The following RERE variants were observed in gnomAD, a reference collection of about 807,000 sequenced individuals.
RERE encodes arginine-glutamic acid dipeptide repeats.
RERE carries 40 observed loss-of-function variants against 146.1 expected under a neutral mutation model. The ratio of observed to expected loss-of-function variants is 0.27; its 90% CI spans 0.21 to 0.36. The LOEUF (loss-of-function observed/expected upper bound fraction) is 0.36, where lower values mean the gene tolerates loss of function less well. Ranked by LOEUF, RERE falls within the 10% of genes least tolerant of loss-of-function variation. The pLI is 1.00. For synonymous variants in RERE, 1,003 were observed against 866.0 expected, an observed-to-expected ratio of 1.16 and a Z score of -2.78; for missense variants, 1,933 against 2,138.7, an observed-to-expected ratio of 0.90 and a Z score of 1.90.
chr1:8,600,736 A>T (rs1011287283), intron 4 of RERE, among the ~76,000 whole-genome samples: 1 of 147,254 alleles, frequency 6.8e-6, no homozygotes, highest in Admixed American at 7.0e-5. Flanking sequence ...AATTACACTG[A>T]AAACAAGCCA....
At position 8,498,762 on chromosome 1, in the gene RERE, CACACACATAT is replaced by C. The variant is rs1389195627; in HGVS notation, c.880-1243_880-1234del. Reference sequence around the variant, plus strand: ...ACACACACACACACACACACACACACACACACATATGTAGTTGAATTGACCTGTGGTAACA... The same window carrying C: ...ACACACACACACACACACACACACACGTAGTTGAATTGACCTGTGGTAACA... On this transcript the variant is annotated intron_variant, in intron 8 of 22. Coordinates refer to ENST00000400908, the MANE Select transcript of RERE (RefSeq NM_001042681.2). Among the ~76,000 whole-genome samples, 7 of 149,560 alleles carry C rather than the reference CACACACATAT, an allele frequency of 4.7e-5. 1 individual carries two copies. The highest frequency in any genetic ancestry group is 1.7e-4 in the African/African-American group (7 of 40,394).
intron 4 of RERE, among the ~76,000 whole-genome samples, chr1:8,608,008 G>A (rs988389131): frequency 2.6e-5 from 4 of 152,116 alleles, no homozygotes; most frequent in Admixed American, 6.5e-5. Flanking sequence ...TTATAGGTGT[G>A]AGCCACCACA....
At chr1:8,697,759 T>C (rs1215278540) in intron 1 of RERE, among the ~76,000 whole-genome samples, 1 of 152,234 alleles carries the variant, frequency 6.6e-6, no homozygotes, top group Non-Finnish European at 1.5e-5. Flanking sequence ...ATGTAACTTA[T>C]GCAAGCCATT....
At chr1:8,764,274 C>T (rs551512653) in intron 1 of RERE, among the ~76,000 whole-genome samples, 1 of 152,278 alleles carries the variant, frequency 6.6e-6, no homozygotes, top group South Asian at 2.1e-4. Flanking sequence ...ATGCAGAGAG[C>T]AACTGCAATG....
chr1:8,651,872 T>C (rs1647650240), intron 2 of RERE, among the ~76,000 whole-genome samples: 1 of 152,086 alleles, frequency 6.6e-6, no homozygotes, highest in Non-Finnish European at 1.5e-5. Context: ...CAGGCTGTAA[T>C]ATAATGGCAT....
intron 1 of RERE, among the ~76,000 whole-genome samples, chr1:8,668,336 T>G (rs373507746): frequency 3.9e-5 from 6 of 152,258 alleles, no homozygotes; most frequent in African/African-American, 1.2e-4. Flanking sequence ...GTCCTGAAGC[T>G]TGCTAGGAAC....
At chr1:8,445,424 T>C (rs185785654) in intron 11 of RERE, among the ~76,000 whole-genome samples, 8 of 152,346 alleles carry the variant, frequency 5.3e-5, no homozygotes, top group African/African-American at 1.7e-4. Flanking sequence ...ATTAAAGTGC[T>C]TGGCACCTTC....
At chr1:8,377,446 T>C (rs960530226) in intron 12 of RERE, among the ~76,000 whole-genome samples, 1 of 152,220 alleles carries the variant, frequency 6.6e-6, no homozygotes, top group African/African-American at 2.4e-5. Context: ...TGACATCACT[T>C]TTCTTTCCCA....
chr1:8,806,375 A>G (rs1641693222), intron 1 of RERE, among the ~76,000 whole-genome samples: 1 of 152,026 alleles, frequency 6.6e-6, no homozygotes, highest in Non-Finnish European at 1.5e-5. Context: ...TACTAAAAAT[A>G]CAAAATTTAG....
At chr1:8,737,200 G>A (rs1640218473) in intron 1 of RERE, among the ~76,000 whole-genome samples, 1 of 152,044 alleles carries the variant, frequency 6.6e-6, no homozygotes, top group South Asian at 2.1e-4. Context: ...AAGCATGCCA[G>A]TATTACCACA....
intron 3 of RERE, among the ~76,000 whole-genome samples, chr1:8,623,184 C>T (rs549103117): frequency 5.3e-5 from 8 of 152,158 alleles, no homozygotes; most frequent in Non-Finnish European, 4.4e-5. Context: ...TGGTAGCTCA[C>T]GTTTGTAATC....
At chr1:8,804,817 T>C (rs966012519) in intron 1 of RERE, among the ~76,000 whole-genome samples, 3 of 152,278 alleles carry the variant, frequency 2.0e-5, no homozygotes, top group African/African-American at 7.2e-5. Context: ...AGCATACTGG[T>C]TCAGGACTGT....
intron 1 of RERE, among the ~76,000 whole-genome samples, chr1:8,724,625 T>A (rs976218635): frequency 5.3e-5 from 8 of 152,104 alleles, no homozygotes; most frequent in Admixed American, 2.0e-4. Context: ...GGTGGGCAGA[T>A]CACGAGCTCA....
intron 10 of RERE, among the ~76,000 whole-genome samples, chr1:8,489,832 C>A (rs1290509248): frequency 8.6e-5 from 13 of 151,810 alleles, no homozygotes; most frequent in Non-Finnish European, 4.4e-5. Context: ...GGGAGGATCA[C>A]GAGGTCAGGA....
chr1:8,686,547 CAAGA>C (rs1639090079), intron 1 of RERE, among the ~76,000 whole-genome samples: 1 of 152,098 alleles, frequency 6.6e-6, no homozygotes, highest in Non-Finnish European at 1.5e-5. Context: ...GTCAGGAGTT[CAAGA>C]CCAGCCTGGC....
chr1:8,552,501 T>G (rs1236543848), intron 6 of RERE, among the ~76,000 whole-genome samples: 1 of 152,198 alleles, frequency 6.6e-6, no homozygotes, highest in Non-Finnish European at 1.5e-5. Flanking sequence ...TATTTGTATC[T>G]CTCTCAAAAT....
chr1:8,586,635 TCAGA>T (rs1418333772), intron 4 of RERE, among the ~76,000 whole-genome samples: 1 of 152,154 alleles, frequency 6.6e-6, no homozygotes, highest in Admixed American at 6.6e-5. Flanking sequence ...ACTTCCTGAC[TCAGA>T]CAGACTTCAG....
intron 1 of RERE, among the ~76,000 whole-genome samples, chr1:8,723,055 CAG>C (rs1639894137): frequency 6.6e-6 from 1 of 152,308 alleles, no homozygotes; most frequent in Admixed American, 6.5e-5. Context: ...GAACTTTCAA[CAG>C]AGAAAAGAGA....
intron 1 of RERE, among the ~76,000 whole-genome samples, chr1:8,755,575 G>A (rs1394682407): frequency 6.6e-6 from 1 of 152,142 alleles, no homozygotes; most frequent in Non-Finnish European, 1.5e-5. Context: ...CCTCTGGGGA[G>A]GTTGAAAGGC....
Sources: gnomAD v4.1 joint callset for allele counts (sites outside exome capture counted in the v4.1 genomes callset) on GRCh38, gnomAD v4.1.1 for gene constraint, MANE v1.5 for transcripts, NCBI Gene and HGNC (gene_info 2026-07-23, HGNC 2026-07-21) for gene names.